Variants in CSRNP3 observed in about 807,000 individuals in gnomAD.
CSRNP3 encodes cysteine/serine-rich nuclear protein 3.
Under a neutral mutation model 48.0 loss-of-function variants are expected in CSRNP3, and 12 were observed. That is an observed-to-expected ratio of 0.25 (90% CI 0.16 to 0.41). The LOEUF (loss-of-function observed/expected upper bound fraction) is 0.41. CSRNP3 is among the 10% of genes least tolerant of loss of function. The pLI, the probability that CSRNP3 is intolerant of heterozygous loss-of-function variation, is 1.00. For missense variants in CSRNP3, 580 were observed against 724.4 expected (o/e 0.80, Z 2.29); for synonymous variants, 263 against 269.7 (o/e 0.98, Z 0.24).
At chr2:165,649,942 G>GT (rs561623021) in intron 4 of CSRNP3, among the ~76,000 whole-genome samples, 49 of 151,702 alleles carry the variant, frequency 3.2e-4, no homozygotes, top group Admixed American at 6.6e-4. Context: ...TTTAAGGTGG[G>GT]TTTTTTTTCT....
At chr2:165,596,932 C>T (rs1685821748) in intron 4 of CSRNP3, among the ~76,000 whole-genome samples, 1 of 152,134 alleles carries the variant, frequency 6.6e-6, no homozygotes, top group Non-Finnish European at 1.5e-5. Context: ...CTCCTTACAG[C>T]AATTCTGAAA....
chr2:165,661,672 G>T (rs1005899524), intron 5 of CSRNP3, among the ~76,000 whole-genome samples: 1 of 152,144 alleles, frequency 6.6e-6, no homozygotes, highest in Admixed American at 6.6e-5. Flanking sequence ...GCAGCAGAAG[G>T]GTCATTGGTA....
In CSRNP3 at chr2:165,678,976, G is replaced by C; in HGVS notation, c.981G>C (p.Val327=). The C allele has an allele frequency of 6.2e-7, 1 of 1,614,044 alleles. No individual in the cohort carries two copies. The highest frequency in any genetic ancestry group is 8.5e-7 in the Non-Finnish European group (1 of 1,179,996). Residue 327 remains valine (V), a synonymous_variant, in exon 7 of 7, where the codon GTG becomes GTC. Transcript: ENST00000651982. ...FEIETEPQAA[V]LHLQSAEELD... The stretch of plus-strand genomic sequence containing the variant: ...TTGAAACTGAGCCCCAGGCTGCAGT[G>C]CTGCACCTGCAGTCGGCTGAAGAAT...
chr2:165,538,353 T>C (rs1684909236), intron 3 of CSRNP3, among the ~76,000 whole-genome samples: 1 of 151,972 alleles, frequency 6.6e-6, no homozygotes, highest in African/African-American at 2.4e-5. Flanking sequence ...ATTTTGAGGC[T>C]GTGGGATTCT....
At chr2:165,550,797 C>T (rs1243463706) in intron 3 of CSRNP3, among the ~76,000 whole-genome samples, 1 of 152,158 alleles carries the variant, frequency 6.6e-6, no homozygotes, top group East Asian at 1.9e-4. Context: ...ACTGGCTAGT[C>T]CTTGGGAGGC....
intron 4 of CSRNP3, among the ~76,000 whole-genome samples, chr2:165,624,186 T>C (rs1349928499): frequency 6.6e-6 from 1 of 152,162 alleles, no homozygotes; most frequent in African/African-American, 2.4e-5. Context: ...TAATTTGGAC[T>C]TTTTAATAAA....
At chr2:165,507,519 A>G (rs939808202) in intron 2 of CSRNP3, among the ~76,000 whole-genome samples, 4 of 152,252 alleles carry the variant, frequency 2.6e-5, no homozygotes, top group Middle Eastern at 3.4e-3. Context: ...TCATAAAGGC[A>G]TCTATTGTGA....
chr2:165,632,105 T>C (rs533031741), intron 4 of CSRNP3, among the ~76,000 whole-genome samples: 5 of 152,342 alleles, frequency 3.3e-5, no homozygotes, highest in African/African-American at 4.8e-5. Flanking sequence ...CTAAAGTTAA[T>C]AGAAAATTAT....
chr2:165,637,003 A>C (rs1242801136), intron 4 of CSRNP3, among the ~76,000 whole-genome samples: 1 of 152,172 alleles, frequency 6.6e-6, no homozygotes, highest in Non-Finnish European at 1.5e-5. Context: ...TGATCCAGAT[A>C]GGTTTGGTTG....
At chr2:165,580,820 G>T (rs1685532761) in intron 3 of CSRNP3, among the ~76,000 whole-genome samples, 1 of 151,132 alleles carries the variant, frequency 6.6e-6, no homozygotes, top group African/African-American at 2.4e-5. Flanking sequence ...TTCCAGTGAT[G>T]CAATAATAAT....
intron 4 of CSRNP3, among the ~76,000 whole-genome samples, chr2:165,623,399 G>GAGAA (rs1267276301): frequency 6.6e-6 from 1 of 152,154 alleles, no homozygotes; most frequent in African/African-American, 2.4e-5. Context: ...TGCTCCTTAT[G>GAGAA]AGAATCTAAT....
intron 3 of CSRNP3, among the ~76,000 whole-genome samples, chr2:165,564,174 C>A (rs1685269307): frequency 6.6e-6 from 1 of 152,028 alleles, no homozygotes. Context: ...TCAATCAAAG[C>A]AATCAAGTCT....
chr2:165,614,257 T>A (rs1686192013), intron 4 of CSRNP3, among the ~76,000 whole-genome samples: 1 of 152,168 alleles, frequency 6.6e-6, no homozygotes, highest in Non-Finnish European at 1.5e-5. Flanking sequence ...ATAGAAACAC[T>A]ACTGATATTT....
At chr2:165,611,358 G>GAT (rs1166299165) in intron 4 of CSRNP3, among the ~76,000 whole-genome samples, 2 of 59,230 alleles carry the variant, frequency 3.4e-5, no homozygotes, top group African/African-American at 5.8e-5. Context: ...ACCATTTCAC[G>GAT]ATATATGTGT....
chr2:165,624,474 T>C (rs1686395080), intron 4 of CSRNP3, among the ~76,000 whole-genome samples: 2 of 152,172 alleles, frequency 1.3e-5, no homozygotes, highest in South Asian at 2.1e-4. Flanking sequence ...CTTTCGGGGA[T>C]TTAAATTACT....
rs371806498 is a variant in CSRNP3, at chr2:165,587,792, T to C, written c.-23-7251T>C. Among the ~76,000 whole-genome samples, 20 of 152,356 alleles carry C rather than the reference T, an allele frequency of 1.3e-4. No homozygotes were observed. The South Asian group carries it at 2.5e-3, about 19-fold the overall frequency. ...AAAAAAATTGTATGATGCTTTGGGCTCAGTTTCATTTCTCATTTTCATTCT... is the reference window on the plus strand; with the variant it reads ...AAAAAAATTGTATGATGCTTTGGGCCCAGTTTCATTTCTCATTTTCATTCT... On this transcript the variant is annotated intron_variant, in intron 3 of 6. Transcript: ENST00000651982.
chr2:165,620,247 T>A (rs1315187935), intron 4 of CSRNP3, among the ~76,000 whole-genome samples: 2 of 152,072 alleles, frequency 1.3e-5, no homozygotes, highest in African/African-American at 4.8e-5. Flanking sequence ...TCTAATAATC[T>A]GCTGTGCAAA....
At position 165,518,040 on chromosome 2, in the gene CSRNP3, T is replaced by A. The variant is rs114624808; in HGVS notation, c.-24+79T>A. On this transcript the variant is annotated intron_variant, in intron 3 of 6. Transcript: ENST00000651982. ...CTGTGCATCTGTTTCAAGTTTCTAATGTGTAATTGGAAATGGTCTTACTTA... is the reference window on the plus strand; with the variant it reads ...CTGTGCATCTGTTTCAAGTTTCTAAAGTGTAATTGGAAATGGTCTTACTTA... 1,010 of 152,426 alleles carry A rather than the reference T, an allele frequency of 6.6e-3. 4 individuals are homozygous for A. Among genetic ancestry groups the A allele is most frequent in the Admixed American group, 0.012 (185 of 15,264 alleles). The allele number at this position is 152,426 out of a possible 1,614,324, so 9.4% of individuals were successfully genotyped here. A position where few individuals can be genotyped will look rare whatever the true frequency, so the allele number is the denominator to read the frequency against.
rs1394276291 is a variant in CSRNP3, at chr2:165,679,616, G to A, written c.1621G>A (p.Glu541Lys). ...CTCATACTTGAAAGGCCCCTCCCAA[G>A]AAGGGTTTGTCTCTGCATTGAATGG... ...FHSYLKGPSQ[E>K]GFVSALNGDS... is the part of the protein sequence containing the mutation. Residue 541 changes from glutamate (E) to lysine (K), a missense_variant, in exon 7 of 7, where the codon GAA becomes AAA. Around this residue, in one of 4 missense-constraint regions of CSRNP3, gnomAD observed 369 missense variants for 380.8 expected, o/e 0.97. Transcript: ENST00000651982. 1 of 1,614,134 alleles carries A rather than the reference G, an allele frequency of 6.2e-7. No individual in the cohort carries two copies. The highest frequency in any genetic ancestry group is 1.1e-5 in the South Asian group (1 of 91,080).
Sources: gnomAD v4.1 joint callset for allele counts (sites outside exome capture counted in the v4.1 genomes callset) on GRCh38, gnomAD v4.1.1 for gene constraint, gnomAD v4.1.1 regional missense constraint, MANE v1.5 for transcripts, NCBI Gene and HGNC (gene_info 2026-07-23, HGNC 2026-07-21) for gene names.